NAF1: variants seen among roughly 807,000 people sequenced by gnomAD.
The protein encoded by NAF1 is nuclear assembly factor 1 ribonucleoprotein, also known as H/ACA ribonucleoprotein complex non-core subunit NAF1.
In NAF1, 11 loss-of-function variants were observed where a neutral mutation model predicts 40.6. The observed-to-expected ratio is 0.27, with a 90% CI of 0.17 to 0.45. The LOEUF (loss-of-function observed/expected upper bound fraction) is 0.45, where lower values mean the gene tolerates loss of function less well. Among genes scored for constraint, NAF1 ranks in the 20% least tolerant of loss-of-function variants. NAF1 has a pLI of 1.00. For missense variants in NAF1, 607 were observed against 611.1 expected, an observed-to-expected ratio of 0.99 and a Z score of 0.07; for synonymous variants, 260 against 228.5, an observed-to-expected ratio of 1.14 and a Z score of -1.24.
intron 4 of NAF1, among the ~76,000 whole-genome samples, chr4:163,145,385 T>C (rs974098899): frequency 3.3e-5 from 5 of 152,192 alleles, no homozygotes; most frequent in Admixed American, 1.3e-4. Context: ...CTGAAAAGTC[T>C]GAGAGCCACT....
rs1241202942 is a variant in NAF1 at position 163,128,834 on chromosome 4, A to T, written c.*63T>A. 2.3e-6 allele frequency: 2 copies of T among 860,230 alleles called. No homozygotes were observed. Among genetic ancestry groups the T allele is most frequent in the Non-Finnish European group, 3.1e-6 (2 of 647,008 alleles). The allele number at this position is 860,230 out of a possible 1,614,324, so 53.3% of individuals were successfully genotyped here. ...AAATCTAGCTCCATAATCACTCTTGAAAAAAAAAAATCCTTACCACATAAT... is the reference window on the plus strand; with the variant it reads ...AAATCTAGCTCCATAATCACTCTTGTAAAAAAAAAATCCTTACCACATAAT... On this transcript the variant is annotated 3_prime_UTR_variant, in exon 8 of 8. Transcript: ENST00000274054.
chr4:163,159,314 A>C (rs1418964358), intron 2 of NAF1, among the ~76,000 whole-genome samples: 1 of 152,140 alleles, frequency 6.6e-6, no homozygotes, highest in Non-Finnish European at 1.5e-5. Flanking sequence ...AATGATCTTA[A>C]GTATACAAAC....
chr4:163,144,980 A>G (rs1226302036), intron 4 of NAF1, among the ~76,000 whole-genome samples: 1 of 152,218 alleles, frequency 6.6e-6, no homozygotes, highest in East Asian at 1.9e-4. Context: ...GTTTGTATTC[A>G]ACTCAATACA....
intron 2 of NAF1, among the ~76,000 whole-genome samples, chr4:163,152,408 G>C (rs1731747162): frequency 6.6e-6 from 1 of 152,116 alleles, no homozygotes; most frequent in Non-Finnish European, 1.5e-5. Flanking sequence ...ACCAAGATAA[G>C]GGAAAATATA....
rs1187788429 is a variant in NAF1, at chr4:163,151,515, G to A, written c.541-3081C>T. On this transcript the variant is annotated intron_variant, in intron 2 of 7. Transcript: ENST00000274054. ...AATCCATCTTTTCTCTCACTGATTTGAAAAACAAACTTTAACATATACTAA... is the reference window on the plus strand; with the variant it reads ...AATCCATCTTTTCTCTCACTGATTTAAAAAACAAACTTTAACATATACTAA... Among the ~76,000 whole-genome samples the A allele has an allele frequency of 2.6e-5, 4 of 151,834 alleles. No individual in the cohort carries two copies. The East Asian group carries it at 7.7e-4, about 29-fold the overall frequency.
chr4:163,143,876 C>CA (rs1231218618), intron 4 of NAF1: 2 of 292,772 alleles, frequency 6.8e-6, no homozygotes, highest in Non-Finnish European at 1.0e-5. Flanking sequence ...TTCCCATCAA[C>CA]AAAAATGAAG....
At chr4:163,105,438 G>T (rs1186331742), downstream of NAF1, among the ~76,000 whole-genome samples, 1 of 152,152 alleles carries the variant, frequency 6.6e-6, no homozygotes, top group Non-Finnish European at 1.5e-5. Flanking sequence ...GAGGCAAATA[G>T]AATAATCACA....
chr4:163,117,982 G>C (rs888058430), intron 2 of NAF1, among the ~76,000 whole-genome samples: 1 of 152,206 alleles, frequency 6.6e-6, no homozygotes, highest in Non-Finnish European at 1.5e-5. Flanking sequence ...AGAGGTGATA[G>C]GGTCCTCTCA....
Position 163,146,487 on chromosome 4 carries a change from A to G in NAF1, c.635-623T>C, listed in dbSNP as rs550648703. ...TGATCTACCATAACAAAGAGAAAAC[A>G]CACGCACACACAAACACACTCTCAA... is the stretch of plus-strand genomic sequence containing the variant. On this transcript the variant is annotated intron_variant, in intron 3 of 7. Transcript: ENST00000274054. 2.0e-5 allele frequency among the ~76,000 whole-genome samples: 3 copies of G among 152,348 alleles called. No individual in the cohort carries two copies. In the East Asian group the frequency reaches 5.8e-4, roughly 29 times the overall value.
At chr4:163,129,980 C>T (rs1171480489) in intron 7 of NAF1, among the ~76,000 whole-genome samples, 1 of 152,206 alleles carries the variant, frequency 6.6e-6, no homozygotes, top group Non-Finnish European at 1.5e-5. Context: ...GATGTCAGAA[C>T]TTCTACCCTC....
chr4:163,148,270 C>G, intron 3 of NAF1, 71 bp downstream of exon 3: 1 of 922,792 alleles, frequency 1.1e-6, no homozygotes, highest in Non-Finnish European at 1.6e-6. Flanking sequence ...ATTTACTAGT[C>G]ATAAAAGTCA....
At chr4:163,134,002 A>G (rs998600480) in intron 6 of NAF1, among the ~76,000 whole-genome samples, 17 of 152,208 alleles carry the variant, frequency 1.1e-4, no homozygotes, top group African/African-American at 3.6e-4. Flanking sequence ...TTTTATAAGC[A>G]GATACATGAA....
Position 163,166,809 on chromosome 4 carries a change from A to G in NAF1, c.-82T>C, listed in dbSNP as rs931838698. 25 of 1,533,624 alleles carry G rather than the reference A, an allele frequency of 1.6e-5. No homozygotes were observed. The highest frequency in any genetic ancestry group is 1.3e-4 in the Admixed American group (6 of 47,758). ...GGCTCTCTCCAGAAATAGAAAAACA[A>G]CTTAGGCAACCGCAGCAACACTGCC... On this transcript the variant is annotated 5_prime_UTR_variant, in exon 1 of 8. Transcript: ENST00000274054.
downstream of NAF1, chr4:163,128,649 G>A (rs935241907): frequency 3.0e-5 from 19 of 633,420 alleles, no homozygotes; most frequent in South Asian, 7.2e-5. Context: ...GGTTGGGAGG[G>A]AGAAGGCATG....
At chr4:163,145,736 A>T in intron 4 of NAF1, 46 bp downstream of exon 4, 1 of 1,260,410 alleles carries the variant, frequency 7.9e-7, no homozygotes, top group Middle Eastern at 1.9e-4. Flanking sequence ...AGAAAAAAAC[A>T]ATAAATAAAT....
chr4:163,145,715 T>C (rs1265666548), intron 4 of NAF1, 67 bp downstream of exon 4: 11 of 1,026,200 alleles, frequency 1.1e-5, no homozygotes, highest in African/African-American at 6.5e-5. Flanking sequence ...TGAGAACTGA[T>C]GGGGAAAGTC....
intron 3 of NAF1, among the ~76,000 whole-genome samples, chr4:163,146,094 A>G (rs1731457571): frequency 6.6e-6 from 1 of 152,200 alleles, no homozygotes; most frequent in East Asian, 1.9e-4. Flanking sequence ...AGGGAAAAAA[A>G]TTAAAATGCA....
At chr4:163,158,526 G>A (rs1732084001) in intron 2 of NAF1, among the ~76,000 whole-genome samples, 1 of 151,904 alleles carries the variant, frequency 6.6e-6, no homozygotes, top group African/African-American at 2.4e-5. Context: ...CTAAACTTAA[G>A]ACTCAGACAA....
intron 2 of NAF1, among the ~76,000 whole-genome samples, chr4:163,158,751 T>G (rs1003250375): frequency 4.0e-4 from 61 of 152,284 alleles, no homozygotes; most frequent in African/African-American, 1.3e-3. Flanking sequence ...CTATCTTTCA[T>G]GTTAATTGAG....
Sources: gnomAD v4.1 joint callset for allele counts (sites outside exome capture counted in the v4.1 genomes callset) on GRCh38, gnomAD v4.1.1 for gene constraint, MANE v1.5 for transcripts, NCBI Gene and HGNC (gene_info 2026-07-23, HGNC 2026-07-21) for gene names.